TAFA2: variants seen among roughly 807,000 people sequenced by gnomAD.
TAFA2 encodes the protein chemokine-like protein TAFA-2.
Under a neutral mutation model 18.8 loss-of-function variants are expected in TAFA2, and 7 were observed. That is an observed-to-expected ratio of 0.37 (90% CI 0.21 to 0.70). TAFA2 has a LOEUF of 0.70. Among genes scored for constraint, TAFA2 ranks in the 30% least tolerant of loss-of-function variants. TAFA2 has a pLI of 0.53. For synonymous variants in TAFA2, 60 were observed against 54.2 expected (o/e 1.11, Z -0.47); for missense variants, 122 against 158.1 (o/e 0.77, Z 1.23).
rs140289896 is a variant in TAFA2, at chr12:61,813,663, A to C, written c.106+53657T>G. Among the ~76,000 whole-genome samples, 196 of 151,606 alleles carry C rather than the reference A, an allele frequency of 1.3e-3. 2 individuals carry two copies. The highest frequency in any genetic ancestry group is 0.012 in the Admixed American group (180 of 15,264). ...TATATTCTTCATGTTTATTTCCATC[A>C]ACACCAATTTTACTGGCTGAAACTA... On this transcript the variant is annotated intron_variant, in intron 2 of 4. Transcript: ENST00000416284.
At chr12:61,994,804 C>G (rs1262580255) in intron 1 of TAFA2, among the ~76,000 whole-genome samples, 2 of 152,082 alleles carry the variant, frequency 1.3e-5, no homozygotes, top group African/African-American at 4.8e-5. Context: ...TTTTTCTTAG[C>G]CTCTTTTCTG....
At chr12:61,896,296 A>G (rs986686456) in intron 1 of TAFA2, among the ~76,000 whole-genome samples, 1 of 152,220 alleles carries the variant, frequency 6.6e-6, no homozygotes, top group Non-Finnish European at 1.5e-5. Flanking sequence ...GAATGAAAAA[A>G]ATTAGCAATG....
intron 1 of TAFA2, among the ~76,000 whole-genome samples, chr12:61,938,306 A>C (rs1420145627): frequency 6.6e-6 from 1 of 152,008 alleles, no homozygotes; most frequent in Non-Finnish European, 1.5e-5. Flanking sequence ...CTCCTTAGAA[A>C]ACAGTATGGA....
At chr12:62,175,441 T>C (rs563469821) in intron 1 of TAFA2, among the ~76,000 whole-genome samples, 1 of 152,192 alleles carries the variant, frequency 6.6e-6, no homozygotes, top group Non-Finnish European at 1.5e-5. Context: ...AATATTATAA[T>C]ATACTGTGTA....
At chr12:61,939,928 C>T (rs531638640) in intron 1 of TAFA2, among the ~76,000 whole-genome samples, 1 of 152,312 alleles carries the variant, frequency 6.6e-6, no homozygotes, top group African/African-American at 2.4e-5. Context: ...CCTGCTTCCA[C>T]CTACAGAGAA....
At chr12:61,956,169 T>C (rs1391203291) in intron 1 of TAFA2, among the ~76,000 whole-genome samples, 1 of 152,150 alleles carries the variant, frequency 6.6e-6, no homozygotes. Flanking sequence ...AAACTCCATT[T>C]TATTGCATTC....
At chr12:61,792,525 T>A (rs1871023665) in intron 2 of TAFA2, among the ~76,000 whole-genome samples, 1 of 151,448 alleles carries the variant, frequency 6.6e-6, no homozygotes, top group Admixed American at 6.6e-5. Flanking sequence ...AATTATTTTG[T>A]GTCATTAAAA....
intron 1 of TAFA2, among the ~76,000 whole-genome samples, chr12:61,929,588 T>A (rs1256142281): frequency 1.3e-5 from 2 of 151,860 alleles, no homozygotes; most frequent in African/African-American, 2.4e-5. Context: ...ATTGTGGAAG[T>A]CGATGTGGCG....
chr12:61,887,581 C>A (rs1381012390), intron 1 of TAFA2, among the ~76,000 whole-genome samples: 1 of 112,362 alleles, frequency 8.9e-6, no homozygotes, highest in Non-Finnish European at 1.8e-5. Flanking sequence ...CTATCCCTCC[C>A]CCCTCCCCCC....
At chr12:62,012,261 A>G (rs1277904802) in intron 1 of TAFA2, among the ~76,000 whole-genome samples, 1 of 152,196 alleles carries the variant, frequency 6.6e-6, no homozygotes, top group African/African-American at 2.4e-5. Context: ...AAACTTTAAT[A>G]AATCTGTTTT....
At chr12:61,906,015 T>C (rs538852034) in intron 1 of TAFA2, among the ~76,000 whole-genome samples, 1 of 152,320 alleles carries the variant, frequency 6.6e-6, no homozygotes, top group Non-Finnish European at 1.5e-5. Flanking sequence ...ACAAAGAAAG[T>C]ATACTAATTC....
intron 1 of TAFA2, among the ~76,000 whole-genome samples, chr12:62,243,684 C>A (rs2062872752): frequency 6.6e-6 from 1 of 152,218 alleles, no homozygotes; most frequent in African/African-American, 2.4e-5. Flanking sequence ...TATAAAATGA[C>A]CCTGCCCAGT....
chr12:62,140,419 A>T (rs928073793), intron 1 of TAFA2: 2 of 152,162 alleles, frequency 1.3e-5, no homozygotes, highest in African/African-American at 4.8e-5. Flanking sequence ...ATATCTGGTG[A>T]CCAAGCAAGA....
rs1227952510 is a variant in TAFA2, at chr12:62,039,002, G to GC, written c.-2+152256dup. Among the ~76,000 whole-genome samples, 3 of 152,030 alleles carry GC rather than the reference G, an allele frequency of 2.0e-5. No individual in the cohort carries two copies. In the East Asian group the frequency reaches 5.8e-4, roughly 29 times the overall value. ...ACTGCATTGCTCCTTTGCAACATCT[G>GC]CCCCAGATGATGTCTGCATATTTTC... On this transcript the variant is annotated intron_variant, in intron 1 of 4. Transcript: ENST00000416284.
intron 4 of TAFA2, among the ~76,000 whole-genome samples, chr12:61,715,060 T>C (rs1431242536): frequency 6.6e-6 from 1 of 152,230 alleles, no homozygotes; most frequent in Non-Finnish European, 1.5e-5. Context: ...GACAAAGTGC[T>C]TGTCCCATTA....
At chr12:62,039,503 T>A (rs1312489918) in intron 1 of TAFA2, among the ~76,000 whole-genome samples, 1 of 152,152 alleles carries the variant, frequency 6.6e-6, no homozygotes, top group Non-Finnish European at 1.5e-5. Flanking sequence ...AAGCAGAAAC[T>A]TGATGGTTGA....
chr12:61,988,592 A>G (rs1879894820), intron 1 of TAFA2, among the ~76,000 whole-genome samples: 1 of 152,200 alleles, frequency 6.6e-6, no homozygotes, highest in Non-Finnish European at 1.5e-5. Flanking sequence ...TACTATGTGC[A>G]CTACAATTTT....
chr12:62,114,065 G>A (rs1338102043), intron 1 of TAFA2, among the ~76,000 whole-genome samples: 1 of 152,194 alleles, frequency 6.6e-6, no homozygotes, highest in Non-Finnish European at 1.5e-5. Context: ...CAGCAGCTCG[G>A]TGTCTGCCCA....
intron 4 of TAFA2, among the ~76,000 whole-genome samples, chr12:61,724,577 A>T (rs1870052064): frequency 6.6e-6 from 1 of 151,964 alleles, no homozygotes; most frequent in South Asian, 2.1e-4. Context: ...TTATTGTATC[A>T]TTCCTATGCC....
Sources: gnomAD v4.1 joint callset for allele counts (sites outside exome capture counted in the v4.1 genomes callset) on GRCh38, gnomAD v4.1.1 for gene constraint, MANE v1.5 for transcripts, NCBI Gene and HGNC (gene_info 2026-07-23, HGNC 2026-07-21) for gene names.